Variants in PARL observed in about 807,000 individuals in gnomAD.
The protein encoded by PARL is presenilin associated rhomboid like, also known as presenilin-associated rhomboid-like protein, mitochondrial.
A neutral mutation model predicts 51.6 loss-of-function variants in PARL; 44 were observed. The ratio of observed to expected loss-of-function variants is 0.85; its 90% CI spans 0.67 to 1.10. PARL has a LOEUF of 1.10. Among genes scored for constraint, PARL ranks in the 50% least tolerant of loss-of-function variants. The pLI is 0.00. For missense variants in PARL, 441 were observed against 469.5 expected (o/e 0.94, Z 0.56); for synonymous variants, 172 against 164.0 (o/e 1.05, Z -0.37).
chr3:183,857,567 T>C (rs1731312558), intron 4 of PARL, among the ~76,000 whole-genome samples: 1 of 152,224 alleles, frequency 6.6e-6, no homozygotes, highest in South Asian at 2.1e-4. Flanking sequence ...AATAGATGCT[T>C]TGGAAGAACA....
chr3:183,841,472 A>G (rs1729306127), intron 6 of PARL, among the ~76,000 whole-genome samples: 2 of 152,170 alleles, frequency 1.3e-5, no homozygotes, highest in Non-Finnish European at 2.9e-5. Flanking sequence ...GGTAAGTATC[A>G]TGAGGTTTAG....
At chr3:183,847,785 C>T (rs1577318484) in intron 4 of PARL, among the ~76,000 whole-genome samples, 2 of 152,168 alleles carry the variant, frequency 1.3e-5, no homozygotes, top group Non-Finnish European at 2.9e-5. Flanking sequence ...ATACCTCCTA[C>T]CTCATAAAGG....
At position 183,829,680 on chromosome 3, in the gene PARL, A is replaced by G. The variant is rs1727694071; in HGVS notation, c.1058T>C (p.Ile353Thr). The G allele has an allele frequency of 6.2e-7, 1 of 1,614,166 alleles. No homozygotes were observed. The highest frequency in any genetic ancestry group is 8.5e-7 in the Non-Finnish European group (1 of 1,180,040). Reference sequence around the variant, plus strand: ...CACTAGCGGCTCCCTGTTCTTCCAAATCAGTTCATGACCGTAAGTAACATA... The same window carrying G: ...CACTAGCGGCTCCCTGTTCTTCCAAGTCAGTTCATGACCGTAAGTAACATA... Reference protein sequence around the residue: ...IWYVTYGHELIWKNREPLVKI... With the variant: ...IWYVTYGHELTWKNREPLVKI... The change falls in exon 10 of 10, where the codon ATT becomes ACT. Residue 353 changes from isoleucine to threonine, a missense_variant. By Grantham distance (89) the Ile-to-Thr change is moderately conservative. Transcript: ENST00000317096.
chr3:183,837,262 T>G (rs1157340547), intron 7 of PARL, among the ~76,000 whole-genome samples: 1 of 151,988 alleles, frequency 6.6e-6, no homozygotes, highest in Non-Finnish European at 1.5e-5. Context: ...CAATCAATGT[T>G]GTGGTGGTGA....
At chr3:183,832,835 G>A (rs1728111515) in intron 9 of PARL, among the ~76,000 whole-genome samples, 1 of 152,124 alleles carries the variant, frequency 6.6e-6, no homozygotes, top group Non-Finnish European at 1.5e-5. Flanking sequence ...CATATGGTGT[G>A]GTGGGGGTGG....
chr3:183,830,987 T>G (rs185724654), intron 9 of PARL, among the ~76,000 whole-genome samples: 3 of 152,308 alleles, frequency 2.0e-5, no homozygotes, highest in East Asian at 3.9e-4. Flanking sequence ...CCAAATCTTT[T>G]TTGTTGTTAG....
chr3:183,848,267 G>A (rs549838540), intron 4 of PARL, among the ~76,000 whole-genome samples: 8 of 152,118 alleles, frequency 5.3e-5, no homozygotes, highest in South Asian at 2.1e-4. Flanking sequence ...TTTTTGAGAC[G>A]GAGTCTCGCT....
chr3:183,852,585 T>C (rs1472270724), intron 4 of PARL, among the ~76,000 whole-genome samples: 1 of 152,082 alleles, frequency 6.6e-6, no homozygotes, highest in African/African-American at 2.4e-5. Flanking sequence ...GTGACGGTTA[T>C]ACAACACTGT....
chr3:183,882,234 TATATATATATTTATA>T (rs1734566530), intron 1 of PARL, among the ~76,000 whole-genome samples: 2 of 21,076 alleles, frequency 9.5e-5, no homozygotes, highest in East Asian at 3.5e-3. Flanking sequence ...TATATATATA[TATATATATATTTATA>T]TATATATATA....
intron 4 of PARL, among the ~76,000 whole-genome samples, chr3:183,848,288 C>T (rs538222626): frequency 6.6e-6 from 1 of 152,308 alleles, no homozygotes; most frequent in Admixed American, 6.5e-5. Context: ...GTCTCCCAGG[C>T]TGGAGTGCAG....
At chr3:183,867,592 T>C (rs1012866353) in intron 2 of PARL, among the ~76,000 whole-genome samples, 6 of 150,538 alleles carry the variant, frequency 4.0e-5, no homozygotes, top group East Asian at 2.0e-4. Flanking sequence ...CCCAGCTACT[T>C]GGGAAGCTGA....
intron 4 of PARL, chr3:183,846,512 G>A (rs935433665): frequency 1.0e-6 from 1 of 984,916 alleles, no homozygotes; most frequent in Non-Finnish European, 1.2e-6. Flanking sequence ...AAAGCGGGGG[G>A]AAAGATAACC....
intron 4 of PARL, chr3:183,846,720 C>T: frequency 1.9e-6 from 1 of 538,540 alleles, no homozygotes; most frequent in Non-Finnish European, 2.4e-6. Context: ...TAGTAACAGA[C>T]ACATCCCATA....
At chr3:183,880,803 T>G (rs539603391) in intron 1 of PARL, among the ~76,000 whole-genome samples, 59 of 152,116 alleles carry the variant, frequency 3.9e-4, no homozygotes, top group African/African-American at 1.3e-3. Context: ...CTCATAAATG[T>G]TTTGGTTTTT....
At chr3:183,863,381 A>C (rs1732066417) in intron 3 of PARL, among the ~76,000 whole-genome samples, 1 of 152,122 alleles carries the variant, frequency 6.6e-6, no homozygotes, top group Non-Finnish European at 1.5e-5. Context: ...AAAGGGAAAT[A>C]GATGAAAAAA....
In PARL at chr3:183,866,563, TTAAG is replaced by T. The variant is rs374203758; in HGVS notation, c.462+58_462+61del. ...TGTACACTGAAAACACGTGCATCTA[TTAAG>T]TATCAGTTTTTTAAAACCGTGATTA... On this transcript the variant is annotated intron_variant, in intron 3 of 9. Transcript: ENST00000317096. 6.6e-6 allele frequency: 9 copies of T among 1,355,328 alleles called. No individual in the cohort carries two copies. In the African/African-American group the frequency reaches 7.1e-5, roughly 11 times the overall value. The allele number at this position is 1,355,328 out of a possible 1,614,324, so 84.0% of individuals were successfully genotyped here.
chr3:183,844,488 A>C (rs3811725), intron 4 of PARL, 162 bp from the exon 5 acceptor site: 280,768 of 621,298 alleles, frequency 0.45, 65,056 homozygotes, highest in Middle Eastern at 0.57. Flanking sequence ...GAATGCTTTT[A>C]AAGTATCAGC....
chr3:183,873,323 T>C (rs945813441), intron 1 of PARL, among the ~76,000 whole-genome samples: 1 of 152,078 alleles, frequency 6.6e-6, no homozygotes, highest in Non-Finnish European at 1.5e-5. Flanking sequence ...TTGGCCAACA[T>C]GGTGAAACTC....
chr3:183,844,091 G>A, intron 5 of PARL, 140 bp downstream of exon 5: 1 of 716,190 alleles, frequency 1.4e-6, no homozygotes, highest in South Asian at 1.5e-5. Flanking sequence ...CCTCAGTGAA[G>A]GAGCTTACAG....
Sources: gnomAD v4.1 joint callset for allele counts (sites outside exome capture counted in the v4.1 genomes callset) on GRCh38, gnomAD v4.1.1 for gene constraint, MANE v1.5 for transcripts, NCBI Gene and HGNC (gene_info 2026-07-23, HGNC 2026-07-21) for gene names.